FHOD3: variants seen among roughly 807,000 people sequenced by gnomAD.
The protein encoded by FHOD3 is formin homology 2 domain containing 3, also known as FH1/FH2 domain-containing protein 3.
FHOD3 carries 90 observed loss-of-function variants against 173.0 expected under a neutral mutation model. The observed-to-expected ratio is 0.52, with a 90% CI of 0.44 to 0.62. FHOD3 has a LOEUF of 0.62. Ranked by LOEUF, FHOD3 falls within the 20% of genes least tolerant of loss-of-function variation. FHOD3 has a pLI of 0.00. For missense variants in FHOD3, 1,945 were observed against 2,034.7 expected, an observed-to-expected ratio of 0.96 and a Z score of 0.85; for synonymous variants, 828 against 823.0, an observed-to-expected ratio of 1.01 and a Z score of -0.10.
In FHOD3 at chr18:36,779,314, G is replaced by C. The variant is rs1312400623; in HGVS notation, c.4787-134G>C. On this transcript the variant is annotated intron_variant, in intron 28 of 28. Coordinates refer to ENST00000590592, the MANE Select transcript of FHOD3 (RefSeq NM_001281740.3). ...ACTTCAGCAAGAGCAGGAAGGTACA[G>C]AGTGTGAACCCTCTGGCTTCTCTGG... The C allele has an allele frequency of 5.4e-6, 4 of 736,178 alleles. No homozygotes were observed. The Admixed American group carries it at 9.3e-5, about 17-fold the overall frequency. 45.6% of individuals were successfully genotyped at this position (736,178 alleles called of 1,614,324 possible).
chr18:36,745,226 C>T (rs1405292506), intron 23 of FHOD3, among the ~76,000 whole-genome samples: 2 of 152,166 alleles, frequency 1.3e-5, no homozygotes, highest in African/African-American at 4.8e-5. Context: ...CCAGGTGCAC[C>T]GAGCAGGGGA....
chr18:36,522,298 T>A (rs1382989760), intron 5 of FHOD3, among the ~76,000 whole-genome samples: 1 of 152,228 alleles, frequency 6.6e-6, no homozygotes, highest in Non-Finnish European at 1.5e-5. Flanking sequence ...GCTGCTGATT[T>A]GTACTAGTAA....
intron 1 of FHOD3, among the ~76,000 whole-genome samples, chr18:36,329,311 G>A (rs58443325): frequency 0.12 from 17,517 of 151,990 alleles, 3,362 homozygotes; most frequent in African/African-American, 0.4. Flanking sequence ...AACCACTCTT[G>A]TACCCCCACC....
At chr18:36,611,023 T>C (rs2148610649) in intron 8 of FHOD3, among the ~76,000 whole-genome samples, 1 of 152,332 alleles carries the variant, frequency 6.6e-6, no homozygotes, top group South Asian at 2.1e-4. Flanking sequence ...GATACCCTCC[T>C]TCTCTTAAGA....
At chr18:36,665,808 A>G (rs1003882777) in intron 14 of FHOD3, among the ~76,000 whole-genome samples, 1 of 152,190 alleles carries the variant, frequency 6.6e-6, no homozygotes, top group Non-Finnish European at 1.5e-5. Context: ...AAGGCCTGGG[A>G]GCCACGTAAC....
chr18:36,418,893 G>A (rs887520595), intron 3 of FHOD3, among the ~76,000 whole-genome samples: 9 of 152,042 alleles, frequency 5.9e-5, no homozygotes, highest in African/African-American at 1.9e-4. Context: ...CAGCCTGGGC[G>A]ACAAAGTGAG....
intron 1 of FHOD3, among the ~76,000 whole-genome samples, chr18:36,346,237 A>C (rs1386525333): frequency 6.6e-6 from 1 of 152,084 alleles, no homozygotes; most frequent in Non-Finnish European, 1.5e-5. Flanking sequence ...GTGGTAACGC[A>C]CACCTGCAGT....
At chr18:36,407,156 C>T (rs572502716) in intron 3 of FHOD3, among the ~76,000 whole-genome samples, 4 of 152,340 alleles carry the variant, frequency 2.6e-5, no homozygotes, top group South Asian at 2.1e-4. Context: ...CCCCTTTCCC[C>T]ACCACATAGG....
intron 2 of FHOD3, among the ~76,000 whole-genome samples, chr18:36,367,095 G>A (rs1206872243): frequency 2.0e-5 from 3 of 152,218 alleles, no homozygotes; most frequent in African/African-American, 4.8e-5. Context: ...ACTGAAACAT[G>A]CAGGTTTCTG....
At chr18:36,536,641 T>C (rs12965062) in intron 5 of FHOD3, among the ~76,000 whole-genome samples, 82,314 of 151,968 alleles carry the variant, frequency 0.54, 22,534 homozygotes, top group East Asian at 0.63. Flanking sequence ...GGCTCCCCAC[T>C]GAGGCAGAGT....
intron 7 of FHOD3, among the ~76,000 whole-genome samples, chr18:36,599,392 T>C (rs555449498): frequency 6.6e-6 from 1 of 152,362 alleles, no homozygotes; most frequent in African/African-American, 2.4e-5. Context: ...TCAGCCATCC[T>C]TTCAAGCGAT....
intron 23 of FHOD3, 72 bp downstream of exon 23, chr18:36,744,265 G>T: frequency 6.6e-7 from 1 of 1,509,338 alleles, no homozygotes. Context: ...TCATCCTCGA[G>T]GAACACGAGC....
chr18:36,355,893 G>C (rs568876611), intron 2 of FHOD3, among the ~76,000 whole-genome samples: 1 of 152,290 alleles, frequency 6.6e-6, no homozygotes, highest in African/African-American at 2.4e-5. Context: ...CAAGCACATG[G>C]TATTTATATG....
intron 5 of FHOD3, among the ~76,000 whole-genome samples, chr18:36,539,435 G>T (rs2057120537): frequency 6.6e-6 from 1 of 152,234 alleles, no homozygotes; most frequent in Admixed American, 6.5e-5. Context: ...TGCGTAGAAA[G>T]TGTCTAGAGT....
At chr18:36,710,634 A>G (rs189711378) in intron 18 of FHOD3, 7 of 152,372 alleles carry the variant, frequency 4.6e-5, no homozygotes, top group Non-Finnish European at 1.0e-4. Flanking sequence ...ACAAGAAGAT[A>G]AAAGACTTTA....
At chr18:36,611,859 A>G (rs1027071860) in intron 8 of FHOD3, 93 bp from the exon 9 acceptor site, 10 of 1,254,152 alleles carry the variant, frequency 8.0e-6, no homozygotes, top group Non-Finnish European at 1.1e-5. Context: ...CATGATTATA[A>G]CAATATGCCT....
chr18:36,629,003 T>A (rs919698352), intron 10 of FHOD3, among the ~76,000 whole-genome samples: 2 of 152,212 alleles, frequency 1.3e-5, no homozygotes, highest in African/African-American at 4.8e-5. Flanking sequence ...ACTATAGAAG[T>A]AATTTTGAAC....
chr18:36,573,934 G>A (rs748283737), intron 5 of FHOD3, among the ~76,000 whole-genome samples: 21 of 152,198 alleles, frequency 1.4e-4, no homozygotes, highest in Admixed American at 9.8e-4. Context: ...AGAGGACTTC[G>A]AGGCTCTTAG....
At chr18:36,446,038 G>A (rs1406686959) in intron 3 of FHOD3, among the ~76,000 whole-genome samples, 5 of 152,190 alleles carry the variant, frequency 3.3e-5, no homozygotes, top group Non-Finnish European at 7.3e-5. Context: ...CCTGTCCTGG[G>A]TTAGGCTTTG....
Sources: gnomAD v4.1 joint callset for allele counts (sites outside exome capture counted in the v4.1 genomes callset) on GRCh38, gnomAD v4.1.1 for gene constraint, MANE v1.5 for transcripts, NCBI Gene and HGNC (gene_info 2026-07-23, HGNC 2026-07-21) for gene names.